The following FARP1 variants were observed in gnomAD, a reference collection of about 807,000 sequenced individuals.
FARP1 encodes the protein FERM, ARH/RhoGEF and pleckstrin domain protein 1.
In FARP1, 52 loss-of-function variants were observed where a neutral mutation model predicts 128.8. The observed-to-expected ratio is 0.40, with a 90% CI of 0.32 to 0.51. FARP1 has a LOEUF of 0.51. FARP1 is among the 20% of genes least tolerant of loss of function. The pLI, the probability that FARP1 is intolerant of heterozygous loss-of-function variation, is 0.45. For missense variants in FARP1, 1,333 were observed against 1,367.9 expected (o/e 0.97, Z 0.40); for synonymous variants, 580 against 551.8 (o/e 1.05, Z -0.72).
At chr13:98,278,912 G>A (rs1303590183) in intron 2 of FARP1, among the ~76,000 whole-genome samples, 36 of 151,884 alleles carry the variant, frequency 2.4e-4, no homozygotes, top group African/African-American at 8.2e-4. Context: ...TGCAACCTCC[G>A]CCTCCCGGGT....
At chr13:98,373,533 G>GACAGACAGACACACACACACACACACAC (rs1349451618) in intron 5 of FARP1, among the ~76,000 whole-genome samples, 3 of 131,070 alleles carry the variant, frequency 2.3e-5, no homozygotes, top group African/African-American at 8.8e-5. Flanking sequence ...CAGACAGACA[G>GACAGACAGACACACACACACACACACAC]ACACACACAC....
chr13:98,260,889 A>AG (rs1883846962), intron 2 of FARP1, among the ~76,000 whole-genome samples: 1 of 152,164 alleles, frequency 6.6e-6, no homozygotes, highest in South Asian at 2.1e-4. Flanking sequence ...TCCAAATCCC[A>AG]GGGGGCTGGA....
intron 12 of FARP1, 106 bp from the exon 13 acceptor site, chr13:98,395,121 A>G: frequency 7.4e-7 from 1 of 1,353,016 alleles, no homozygotes; most frequent in Non-Finnish European, 9.9e-7. Context: ...CTCCCGCCGC[A>G]GAGGCCTCGG....
At chr13:98,142,938 C>A (rs966085915), upstream of FARP1, among the ~76,000 whole-genome samples, 1 of 150,674 alleles carries the variant, frequency 6.6e-6, no homozygotes, top group Non-Finnish European at 1.5e-5. Context: ...GCGCACCTGC[C>A]CGGGCGGAGC....
chr13:98,145,625 C>CT (rs1173500298), intron 1 of FARP1, among the ~76,000 whole-genome samples: 1 of 152,134 alleles, frequency 6.6e-6, no homozygotes, highest in African/African-American at 2.4e-5. Flanking sequence ...AATCCCAGCA[C>CT]TTTGGGAGAC....
At position 98,418,870 on chromosome 13, in the gene FARP1, G is replaced by A. The variant is rs1891486297; in HGVS notation, c.1827-5702G>A. Reference sequence around the variant, plus strand: ...CACCTGGATGCTATCAAACCTGCCTGTGACCGGGTTGTCACTTTGGATCCT... The same window carrying A: ...CACCTGGATGCTATCAAACCTGCCTATGACCGGGTTGTCACTTTGGATCCT... On this transcript the variant is annotated intron_variant, in intron 16 of 26. Coordinates refer to ENST00000319562, the MANE Select transcript of FARP1 (RefSeq NM_005766.4). 2.0e-5 allele frequency among the ~76,000 whole-genome samples: 3 copies of A among 152,178 alleles called. No individual in the cohort carries two copies. In the South Asian group the frequency reaches 6.2e-4, roughly 32 times the overall value.
At chr13:98,144,371 A>G (rs1257326398) in intron 1 of FARP1, among the ~76,000 whole-genome samples, 1 of 152,172 alleles carries the variant, frequency 6.6e-6, no homozygotes, top group African/African-American at 2.4e-5. Flanking sequence ...AGGCCCTGGT[A>G]TCTGATCAGT....
chr13:98,440,152 A>C lies in FARP1; in HGVS notation c.2546A>C (p.Glu849Ala), dbSNP rs1313644867. 6.2e-7 allele frequency: 1 copy of C among 1,613,860 alleles called. No individual in the cohort carries two copies. Among genetic ancestry groups the C allele is most frequent in the Admixed American group, 1.7e-5 (1 of 60,000 alleles). The change falls in exon 23 of 27, where the codon GAG (glutamate) becomes GCG (alanine). Residue 849 changes from glutamate to alanine, a missense_variant. By Grantham distance (107) the Glu-to-Ala change is moderately radical. Coordinates refer to ENST00000319562, the MANE Select transcript of FARP1 (RefSeq NM_005766.4). ...CGGTCCGAGATGGAGAAGTGGGTTGAGGACATCCAGATGGCCATTGACCTG... is the reference window on the plus strand; with the variant it reads ...CGGTCCGAGATGGAGAAGTGGGTTGCGGACATCCAGATGGCCATTGACCTG... ...SSRSEMEKWV[E>A]DIQMAIDLAE... is the part of the protein sequence containing the mutation.
intron 2 of FARP1, among the ~76,000 whole-genome samples, chr13:98,286,747 T>C (rs1251140636): frequency 6.6e-6 from 1 of 152,202 alleles, no homozygotes; most frequent in African/African-American, 2.4e-5. Context: ...ATTGATCCAG[T>C]CAACATTTAC....
chr13:98,155,096 C>T (rs1876405683), intron 1 of FARP1, among the ~76,000 whole-genome samples: 1 of 152,146 alleles, frequency 6.6e-6, no homozygotes, highest in African/African-American at 2.4e-5. Context: ...CCTGTAATCC[C>T]AGCACTTTGG....
At chr13:98,246,687 G>A (rs112934180) in intron 2 of FARP1, among the ~76,000 whole-genome samples, 5 of 152,204 alleles carry the variant, frequency 3.3e-5, no homozygotes, top group African/African-American at 1.2e-4. Flanking sequence ...TATAAGGGAG[G>A]CATTTAGAAA....
intron 1 of FARP1, among the ~76,000 whole-genome samples, chr13:98,181,344 C>T (rs1268989427): frequency 1.3e-5 from 2 of 152,104 alleles, no homozygotes; most frequent in African/African-American, 4.8e-5. Context: ...GTTTTATCCC[C>T]TGCAAAGTGG....
rs1893373055 is a variant in FARP1, at chr13:98,454,763, T to G, written c.*6446T>G. ...GGCAGCCATCGGGGTGAACGCTCAG[T>G]GGGAGCTTCAGGAGCAGGGAAGGAA... On this transcript the variant is annotated 3_prime_UTR_variant, in exon 27 of 27. Coordinates refer to ENST00000319562, the MANE Select transcript of FARP1 (RefSeq NM_005766.4). The G allele has an allele frequency of 6.6e-6, 1 of 152,068 alleles. No individual in the cohort carries two copies. The highest frequency in any genetic ancestry group is 6.6e-5 in the Admixed American group (1 of 15,258). 9.4% of individuals were successfully genotyped at this position (152,068 alleles called of 1,614,324 possible). A position where few individuals can be genotyped will look rare whatever the true frequency, so the allele number is the denominator to read the frequency against.
intron 3 of FARP1, 129 bp from the exon 4 acceptor site, chr13:98,365,265 GA>G: frequency 7.8e-6 from 5 of 641,152 alleles, no homozygotes; most frequent in Non-Finnish European, 8.3e-6. Context: ...GCATTCTGGA[GA>G]AAAATGGAAC....
chr13:98,343,642 G>A, intron 2 of FARP1, 120 bp from the exon 3 acceptor site: 10 of 714,234 alleles, frequency 1.4e-5, no homozygotes, highest in Middle Eastern at 4.0e-4. Flanking sequence ...GGAGGTGGGC[G>A]GTGGCAAGCT....
chr13:98,238,128 C>T (rs1882540662), intron 2 of FARP1, among the ~76,000 whole-genome samples: 1 of 152,186 alleles, frequency 6.6e-6, no homozygotes, highest in Non-Finnish European at 1.5e-5. Context: ...GTTAAGATGA[C>T]AGGAGAAGCA....
At chr13:98,228,608 C>T (rs924785316) in intron 2 of FARP1, among the ~76,000 whole-genome samples, 12 of 152,194 alleles carry the variant, frequency 7.9e-5, no homozygotes, top group African/African-American at 2.9e-4. Context: ...CTTACAGATC[C>T]ATCAGACCCT....
At chr13:98,394,281 G>C (rs1237520652) in intron 12 of FARP1, among the ~76,000 whole-genome samples, 2 of 152,182 alleles carry the variant, frequency 1.3e-5, no homozygotes, top group African/African-American at 4.8e-5. Context: ...TTCTCTAAAA[G>C]AGAAAAAGAA....
chr13:98,386,034 A>T (rs1287667369), intron 8 of FARP1: 1 of 527,212 alleles, frequency 1.9e-6, no homozygotes, highest in Non-Finnish European at 3.4e-6. Flanking sequence ...CACATTACAG[A>T]TTTGTTTGGT....
Sources: gnomAD v4.1 joint callset for allele counts (sites outside exome capture counted in the v4.1 genomes callset) on GRCh38, gnomAD v4.1.1 for gene constraint, MANE v1.5 for transcripts, NCBI Gene and HGNC (gene_info 2026-07-23, HGNC 2026-07-21) for gene names.